The following NCKAP5 variants were observed in gnomAD, a reference collection of about 807,000 sequenced individuals.
NCKAP5 encodes the protein NCK associated protein 5.
Under a neutral mutation model 167.0 loss-of-function variants are expected in NCKAP5, and 92 were observed. The ratio of observed to expected loss-of-function variants is 0.55; its 90% CI spans 0.47 to 0.66. NCKAP5 has a LOEUF of 0.66. Ranked by LOEUF, NCKAP5 falls within the 30% of genes least tolerant of loss-of-function variation. NCKAP5 has a pLI of 0.00. For missense variants in NCKAP5, 2,378 were observed against 2,315.0 expected (o/e 1.03, Z -0.56); for synonymous variants, 891 against 877.4 (o/e 1.02, Z -0.27).
At chr2:133,434,557 A>G (rs1690352037) in intron 3 of NCKAP5, among the ~76,000 whole-genome samples, 1 of 152,244 alleles carries the variant, frequency 6.6e-6, no homozygotes, top group Non-Finnish European at 1.5e-5. Context: ...GTTTATAGTG[A>G]CAATATCTAT....
intron 3 of NCKAP5, among the ~76,000 whole-genome samples, chr2:133,353,412 C>G (rs959465551): frequency 6.6e-6 from 1 of 152,122 alleles, no homozygotes; most frequent in Non-Finnish European, 1.5e-5. Flanking sequence ...TGGCCAGAGA[C>G]GGTAACATCA....
chr2:132,990,627 T>A (rs1015757318), intron 7 of NCKAP5, among the ~76,000 whole-genome samples: 1 of 152,066 alleles, frequency 6.6e-6, no homozygotes, highest in South Asian at 2.1e-4. Context: ...AGGGTCCTTA[T>A]AAGAGGGACC....
intron 3 of NCKAP5, among the ~76,000 whole-genome samples, chr2:133,361,221 A>G (rs1203662840): frequency 6.6e-6 from 1 of 152,236 alleles, no homozygotes; most frequent in East Asian, 1.9e-4. Flanking sequence ...GTGGCTTTGG[A>G]ATTCTGCATA....
chr2:132,925,312 T>C (rs1695776556), intron 8 of NCKAP5, among the ~76,000 whole-genome samples: 1 of 151,664 alleles, frequency 6.6e-6, no homozygotes, highest in Non-Finnish European at 1.5e-5. Context: ...CCCAGCATTT[T>C]GGGAGGCCGA....
intron 5 of NCKAP5, among the ~76,000 whole-genome samples, chr2:133,176,485 A>T (rs2084467373): frequency 6.6e-6 from 1 of 152,126 alleles, no homozygotes; most frequent in African/African-American, 2.4e-5. Context: ...TACTTGCTTT[A>T]AGGTTTACGC....
intron 12 of NCKAP5, among the ~76,000 whole-genome samples, chr2:132,795,324 A>T (rs1289032663): frequency 6.6e-6 from 1 of 152,214 alleles, no homozygotes; most frequent in East Asian, 1.9e-4. Flanking sequence ...ATTCTTCATC[A>T]AAAATGTGTA....
Position 133,273,231 on chromosome 2 carries a change from A to T in NCKAP5, c.143+29806T>A, listed in dbSNP as rs72987607. On this transcript the variant is annotated intron_variant, in intron 4 of 19. Transcript: ENST00000409261. Reference sequence around the variant, plus strand: ...ACACTTTTATCCTTTGTTTATAGTCATGCTAGAGGATATAAAGTGATGTCT... The same window carrying T: ...ACACTTTTATCCTTTGTTTATAGTCTTGCTAGAGGATATAAAGTGATGTCT... Among the ~76,000 whole-genome samples, 1,349 of 152,288 alleles carry T rather than the reference A, an allele frequency of 8.9e-3. 30 individuals carry two copies. The highest frequency in any genetic ancestry group is 0.031 in the African/African-American group (1,268 of 41,568).
chr2:133,187,048 T>C (rs1305122529), intron 5 of NCKAP5, among the ~76,000 whole-genome samples: 2 of 152,016 alleles, frequency 1.3e-5, no homozygotes, highest in Non-Finnish European at 2.9e-5. Context: ...CATGTCAGAT[T>C]GTTAATTTGA....
chr2:133,531,998 T>G (rs1685405139), intron 2 of NCKAP5, among the ~76,000 whole-genome samples: 1 of 152,202 alleles, frequency 6.6e-6, no homozygotes, highest in Non-Finnish European at 1.5e-5. Flanking sequence ...AAAGCATTCT[T>G]GCTGTGCATA....
chr2:133,055,474 A>ATATATATATATATAGTT (rs2079764506), intron 6 of NCKAP5, among the ~76,000 whole-genome samples: 2 of 76 alleles, frequency 0.026, no homozygotes, highest in Non-Finnish European at 0.053. Context: ...GATAAACTGT[A>ATATATATATATATAGTT]TATATATATA....
chr2:133,389,164 G>A (rs1219989420), intron 3 of NCKAP5, among the ~76,000 whole-genome samples: 1 of 152,172 alleles, frequency 6.6e-6, no homozygotes, highest in Non-Finnish European at 1.5e-5. Context: ...GCTCCTGTTC[G>A]GCCATCTTGG....
chr2:133,504,054 T>C (rs1195709448), intron 3 of NCKAP5, among the ~76,000 whole-genome samples: 1 of 152,178 alleles, frequency 6.6e-6, no homozygotes, highest in Non-Finnish European at 1.5e-5. Flanking sequence ...GTGATCTGTT[T>C]TCCATTTGCA....
At chr2:132,838,575 T>A (rs1688069680) in intron 11 of NCKAP5, among the ~76,000 whole-genome samples, 1 of 152,148 alleles carries the variant, frequency 6.6e-6, no homozygotes, top group South Asian at 2.1e-4. Flanking sequence ...GAGCTTGCAG[T>A]GAGCTGAGAT....
chr2:133,156,306 G>A (rs114058424), intron 5 of NCKAP5, among the ~76,000 whole-genome samples: 407 of 152,218 alleles, frequency 2.7e-3, no homozygotes, highest in African/African-American at 7.6e-3. Flanking sequence ...TAAGCTCAGC[G>A]TCAGTTTTTC....
chr2:133,172,126 G>A (rs967311208), intron 5 of NCKAP5, among the ~76,000 whole-genome samples: 5 of 152,112 alleles, frequency 3.3e-5, no homozygotes, highest in Non-Finnish European at 7.4e-5. Flanking sequence ...TTATCATTAA[G>A]CCAAAAATGT....
At chr2:133,634,076 G>C in the NCKAP5 span, among the ~76,000 whole-genome samples, 3 of 152,122 alleles carry the variant, frequency 2.0e-5, no homozygotes, top group Non-Finnish European at 2.9e-5. Flanking sequence ...CTCCTCTCCA[G>C]CTATTATCTA....
At chr2:132,833,472 A>G (rs553466050) in intron 11 of NCKAP5, among the ~76,000 whole-genome samples, 6 of 152,066 alleles carry the variant, frequency 3.9e-5, no homozygotes, top group East Asian at 1.9e-4. Context: ...TGTTTCCCCT[A>G]TGTTTTCTTC....
rs113577204 is a variant in NCKAP5 at position 133,339,620 on chromosome 2, T to C, written c.70-36510A>G. On this transcript the variant is annotated intron_variant, in intron 3 of 19. Coordinates refer to ENST00000409261, the MANE Select transcript of NCKAP5 (RefSeq NM_207363.3). ...TTTATTTCTGCCAAGACAGATGGCC[T>C]TCTCCTTGATACCAATGGGGAAAAA... Among the ~76,000 whole-genome samples, 159 of 152,318 alleles carry C rather than the reference T, an allele frequency of 1.0e-3. 2 individuals carry two copies. The highest frequency in any genetic ancestry group is 3.7e-3 in the African/African-American group (153 of 41,572).
chr2:133,522,463 G>A (rs988117406), intron 2 of NCKAP5, among the ~76,000 whole-genome samples: 1 of 152,122 alleles, frequency 6.6e-6, no homozygotes, highest in Admixed American at 6.5e-5. Flanking sequence ...ATTTGTTATT[G>A]TCAGTCTTCT....
Sources: allele counts gnomAD v4.1 joint callset (sites outside exome capture counted in the v4.1 genomes callset), GRCh38; gene constraint gnomAD v4.1.1; transcripts MANE v1.5; gene names NCBI Gene and HGNC (gene_info 2026-07-23, HGNC 2026-07-21).